MBTD1: variants seen among roughly 807,000 people sequenced by gnomAD.
MBTD1 encodes MBT domain-containing protein 1.
A neutral mutation model predicts 87.8 loss-of-function variants in MBTD1; 24 were observed. The ratio of observed to expected loss-of-function variants is 0.27; its 90% CI spans 0.20 to 0.38. The LOEUF is 0.38. Ranked by LOEUF, MBTD1 falls within the 10% of genes least tolerant of loss-of-function variation. The probability of loss-of-function intolerance (pLI) is 1.00; values close to 1 mark genes in which losing one functional copy is unlikely to be tolerated. For missense variants in MBTD1, 436 were observed against 760.2 expected (o/e 0.57, Z 5.02); for synonymous variants, 237 against 248.6 (o/e 0.95, Z 0.44).
At position 51,177,522 on chromosome 17, in the gene MBTD1, T is replaced by C. The variant is rs1372792766; in HGVS notation, c.*3054A>G. ...ATAATTTTAATGCTTTTCACATCCA[T>C]GCTGAAAATTTGCAATTTGGTAAAA... On this transcript the variant is annotated 3_prime_UTR_variant, in exon 17 of 17. Coordinates refer to ENST00000586178, the MANE Select transcript of MBTD1 (RefSeq NM_017643.3). 2 of 152,222 alleles carry C rather than the reference T, an allele frequency of 1.3e-5. No individual in the cohort carries two copies. The highest frequency in any genetic ancestry group is 2.4e-5 in the African/African-American group (1 of 41,448). 9.4% of individuals were successfully genotyped at this position (152,222 alleles called of 1,614,324 possible).
chr17:51,222,185 T>C (rs1348936127), intron 3 of MBTD1, among the ~76,000 whole-genome samples: 1 of 152,258 alleles, frequency 6.6e-6, no homozygotes, highest in Non-Finnish European at 1.5e-5. Context: ...GTTGTTCATC[T>C]GCTATCTCCA....
intron 2 of MBTD1, among the ~76,000 whole-genome samples, chr17:51,254,888 T>A (rs983655932): frequency 6.6e-6 from 1 of 152,242 alleles, no homozygotes; most frequent in Non-Finnish European, 1.5e-5. Context: ...GAGATCATTA[T>A]CAGCTATCAA....
At position 51,179,488 on chromosome 17, in the gene MBTD1, A is replaced by ATATATATATATATATATTTATATT. The variant is rs1568135533; in HGVS notation, c.*1087_*1088insAATATAAATATATATATATATATA. 2.0e-3 allele frequency: 37 copies of ATATATATATATATATATTTATATT among 18,460 alleles called. 2 individuals carry two copies. The highest frequency in any genetic ancestry group is 2.5e-3 in the Admixed American group (4 of 1,596). The allele number at this position is 18,460 out of a possible 1,614,324, so 1.1% of individuals were successfully genotyped here. On this transcript the variant is annotated 3_prime_UTR_variant, in exon 17 of 17. Transcript: ENST00000586178. ...TGAATACAATTAAAGACAATTTTAT[A>ATATATATATATATATATTTATATT]TATATATATATATATATATATATAT...
chr17:51,210,301 TTTTGA>T (rs2052103193), intron 6 of MBTD1, among the ~76,000 whole-genome samples: 1 of 152,114 alleles, frequency 6.6e-6, no homozygotes, highest in Non-Finnish European at 1.5e-5. Flanking sequence ...TCTACTCATC[TTTTGA>T]TTTGATACCA....
Position 51,254,287 on chromosome 17 carries a change from T to C in MBTD1, c.-49+4856A>G, listed in dbSNP as rs749205701. Among the ~76,000 whole-genome samples the C allele has an allele frequency of 9.2e-5, 14 of 152,224 alleles. 1 individual carries two copies. The highest frequency in any genetic ancestry group is 1.3e-4 in the Admixed American group (2 of 15,284). On this transcript the variant is annotated intron_variant, in intron 2 of 16. Transcript: ENST00000586178. The stretch of plus-strand genomic sequence containing the variant: ...ATGAAAGCACATTCTGGTATAGTGA[T>C]AAAACTCATCAGTGTAAAGAGAAAT...
In MBTD1 at chr17:51,217,345, A is replaced by G; in HGVS notation, c.475T>C (p.Cys159Arg). 6.5e-7 allele frequency: 1 copy of G among 1,532,166 alleles called. No homozygotes were observed. Among genetic ancestry groups the G allele is most frequent in the Non-Finnish European group, 8.8e-7 (1 of 1,136,836 alleles). 94.9% of individuals were successfully genotyped at this position (1,532,166 alleles called of 1,614,324 possible). ...AATTCTGTACTTACATGTTTAAAAC[A>G]GGTAACCGGAGCTGCTATAAAGCTA... ...SNSFIAAPVTCFKHAPMGTCW... is the reference protein window; with the variant it reads ...SNSFIAAPVTRFKHAPMGTCW... Residue 159 changes from cysteine (C) to arginine (R), a missense_variant, in exon 6 of 17, where the codon TGT becomes CGT. Cys to Arg is a radical substitution (Grantham distance 180). Transcript: ENST00000586178.
intron 2 of MBTD1, among the ~76,000 whole-genome samples, chr17:51,238,959 G>C (rs2054006590): frequency 6.6e-6 from 1 of 152,056 alleles, no homozygotes. Context: ...AATTAACTGG[G>C]TGTGGTAATG....
chr17:51,233,187 A>T, intron 2 of MBTD1, among the ~76,000 whole-genome samples: 1 of 152,104 alleles, frequency 6.6e-6, no homozygotes. Context: ...GTAAAACTGC[A>T]GAACATCAAA....
At chr17:51,213,816 C>T (rs556005350) in intron 6 of MBTD1, among the ~76,000 whole-genome samples, 15 of 152,200 alleles carry the variant, frequency 9.9e-5, no homozygotes, top group Non-Finnish European at 2.1e-4. Context: ...AACACCCCAT[C>T]TCTGCCAGAA....
chr17:51,231,675 C>T (rs973884307), intron 2 of MBTD1, among the ~76,000 whole-genome samples: 2 of 152,056 alleles, frequency 1.3e-5, no homozygotes, highest in East Asian at 3.9e-4. Context: ...GGGAATAAAC[C>T]CCTGGATGCA....
At chr17:51,221,454 C>T (rs529149315) in intron 3 of MBTD1, among the ~76,000 whole-genome samples, 1 of 152,236 alleles carries the variant, frequency 6.6e-6, no homozygotes, top group African/African-American at 2.4e-5. Context: ...ACAAGGTTCA[C>T]AAGAATTGAA....
chr17:51,260,756 G>A (rs771527473), upstream of MBTD1: 4 of 1,582,010 alleles, frequency 2.5e-6, no homozygotes, highest in South Asian at 3.4e-5. Flanking sequence ...GAGCGCGGCG[G>A]CCGCTGCGAT....
intron 3 of MBTD1, among the ~76,000 whole-genome samples, chr17:51,222,977 AT>A (rs903121603): frequency 6.7e-6 from 1 of 149,158 alleles, no homozygotes; most frequent in Admixed American, 6.7e-5. Flanking sequence ...ATTTTTTTCA[AT>A]TTTTTTTCGC....
Position 51,195,476 on chromosome 17 carries a change from A to C in MBTD1, c.1225-115T>G, listed in dbSNP as rs1156449717. The C allele has an allele frequency of 1.1e-5, 8 of 722,410 alleles. No homozygotes were observed. In the East Asian group the frequency reaches 1.8e-4, roughly 16 times the overall value. The allele number at this position is 722,410 out of a possible 1,614,324, so 44.8% of individuals were successfully genotyped here. A position where few individuals can be genotyped will look rare whatever the true frequency, so the allele number is the denominator to read the frequency against. ...ATTATATAAAGGTCTCTTCAAAGTGAAACATGCTTCTCTATTGAGTTATGT... is the reference window on the plus strand; with the variant it reads ...ATTATATAAAGGTCTCTTCAAAGTGCAACATGCTTCTCTATTGAGTTATGT... On this transcript the variant is annotated intron_variant, in intron 12 of 16. Transcript: ENST00000586178.
intron 3 of MBTD1, among the ~76,000 whole-genome samples, chr17:51,223,416 G>A (rs747257907): frequency 1.3e-5 from 2 of 151,956 alleles, no homozygotes; most frequent in Non-Finnish European, 2.9e-5. Flanking sequence ...TGTGCCTACA[G>A]TACCAGCTAC....
At chr17:51,246,633 T>C (rs2054451779) in intron 2 of MBTD1, among the ~76,000 whole-genome samples, 1 of 152,162 alleles carries the variant, frequency 6.6e-6, no homozygotes, top group Non-Finnish European at 1.5e-5. Context: ...TTTCCACTGT[T>C]ATGTCTCTAA....
In MBTD1 at chr17:51,225,171, ATC is replaced by A. The variant is rs1568203741; in HGVS notation, c.-12_-11del. 6.5e-7 allele frequency: 1 copy of A among 1,540,258 alleles called. No individual in the cohort carries two copies. The highest frequency in any genetic ancestry group is 8.8e-7 in the Non-Finnish European group (1 of 1,142,666). On this transcript the variant is annotated 5_prime_UTR_variant, in exon 3 of 17. Coordinates refer to ENST00000586178, the MANE Select transcript of MBTD1 (RefSeq NM_017643.3). ...CATAACCGTCAAACATCCCGAAAGA[ATC>A]TCTTCTTTTCCTTTCAGATCGTGAA...
At chr17:51,186,313 T>TC (rs2050531113) in intron 16 of MBTD1, 1 of 152,292 alleles carries the variant, frequency 6.6e-6, no homozygotes, top group East Asian at 1.9e-4. Flanking sequence ...CAGGACACTC[T>TC]CAAAAGAGAA....
rs1271007826 is a variant in MBTD1 at position 51,193,649 on chromosome 17, G to T, written c.1373-139C>A. 7 of 619,248 alleles carry T rather than the reference G, an allele frequency of 1.1e-5. No homozygotes were observed. In the East Asian group the frequency reaches 2.0e-4, roughly 18 times the overall value. 38.4% of individuals were successfully genotyped at this position (619,248 alleles called of 1,614,324 possible). A position where few individuals can be genotyped will look rare whatever the true frequency, so the allele number is the denominator to read the frequency against. ...TTTATTTTTTTTGAGACAGGGTCTT[G>T]CTCTGTCGCCCAGGCTGGAGTGCAG... On this transcript the variant is annotated intron_variant, in intron 13 of 16. Coordinates refer to ENST00000586178, the MANE Select transcript of MBTD1 (RefSeq NM_017643.3).
Sources: gnomAD v4.1 joint callset for allele counts (sites outside exome capture counted in the v4.1 genomes callset) on GRCh38, gnomAD v4.1.1 for gene constraint, MANE v1.5 for transcripts, NCBI Gene and HGNC (gene_info 2026-07-23, HGNC 2026-07-21) for gene names.